MAP4K4: variants seen among roughly 807,000 people sequenced by gnomAD.
MAP4K4 encodes HPK/GCK-like kinase HGK.
Under a neutral mutation model 189.6 loss-of-function variants are expected in MAP4K4, and 38 were observed. The observed-to-expected ratio is 0.20, with a 90% CI of 0.15 to 0.26. The LOEUF (loss-of-function observed/expected upper bound fraction) is 0.26, where lower values mean the gene tolerates loss of function less well. Ranked by LOEUF, MAP4K4 falls within the 10% of genes least tolerant of loss-of-function variation. The pLI is 1.00. For synonymous variants in MAP4K4, 610 were observed against 624.3 expected, an observed-to-expected ratio of 0.98 and a Z score of 0.34; for missense variants, 1,054 against 1,726.9, an observed-to-expected ratio of 0.61 and a Z score of 6.91.
intron 2 of MAP4K4, among the ~76,000 whole-genome samples, chr2:101,709,784 A>G (rs1022563087): frequency 6.6e-6 from 1 of 152,168 alleles, no homozygotes; most frequent in Non-Finnish European, 1.5e-5. Flanking sequence ...AGTTAAATAA[A>G]TGATTTGCTA....
intron 27 of MAP4K4, among the ~76,000 whole-genome samples, chr2:101,877,394 A>G (rs1172852526): frequency 6.6e-6 from 1 of 151,554 alleles, no homozygotes; most frequent in Non-Finnish European, 1.5e-5. Flanking sequence ...GGCATCTCTC[A>G]CTGCCCTCTC....
chr2:101,747,158 G>T (rs1000968183), intron 2 of MAP4K4, among the ~76,000 whole-genome samples: 2 of 151,906 alleles, frequency 1.3e-5, no homozygotes, highest in African/African-American at 4.8e-5. Context: ...TCACTCTGTT[G>T]CCCAGGCTGG....
chr2:101,796,379 A>G (rs1346271019), intron 3 of MAP4K4, among the ~76,000 whole-genome samples: 1 of 152,164 alleles, frequency 6.6e-6, no homozygotes, highest in Non-Finnish European at 1.5e-5. Flanking sequence ...CCCCTGCTTT[A>G]ATGGAGCCTT....
chr2:101,879,933 T>A (rs1227204061), intron 27 of MAP4K4, among the ~76,000 whole-genome samples: 1 of 152,112 alleles, frequency 6.6e-6, no homozygotes, highest in East Asian at 1.9e-4. Context: ...GTGTATCTCA[T>A]TTTAATTTGC....
rs375744927 is a variant in MAP4K4, at chr2:101,881,736, G to A, written c.3386-815G>A. ...ATTTCCCTGAAAGTTTTTATTATAA[G>A]TAGGTATTGGGTTTTGTCAAATGTT... On this transcript the variant is annotated intron_variant, in intron 27 of 32. Coordinates refer to ENST00000324219, the Ensembl canonical transcript of MAP4K4. 6.0e-4 allele frequency among the ~76,000 whole-genome samples: 91 copies of A among 152,266 alleles called. 1 individual carries two copies. In the South Asian group the frequency reaches 0.014, roughly 24 times the overall value.
At chr2:101,801,151 G>A (rs1342447066) in intron 3 of MAP4K4, among the ~76,000 whole-genome samples, 4 of 152,104 alleles carry the variant, frequency 2.6e-5, no homozygotes, top group African/African-American at 7.2e-5. Flanking sequence ...GGCTGTACAT[G>A]CAAAGTTTTG....
chr2:101,782,732 C>T (rs1300515356), intron 2 of MAP4K4, among the ~76,000 whole-genome samples: 1 of 152,112 alleles, frequency 6.6e-6, no homozygotes, highest in African/African-American at 2.4e-5. Flanking sequence ...GTTTAGAAGA[C>T]CGAGATGTTT....
intron 31 of MAP4K4, 150 bp from the exon 32 acceptor site, chr2:101,888,646 C>A: frequency 1.9e-6 from 1 of 539,556 alleles, no homozygotes; most frequent in South Asian, 5.1e-5. Flanking sequence ...GGCAGAGTTC[C>A]TTGAAAACAA....
At chr2:101,703,149 A>G (rs1040311666) in intron 2 of MAP4K4, among the ~76,000 whole-genome samples, 15 of 152,094 alleles carry the variant, frequency 9.9e-5, no homozygotes, top group African/African-American at 2.9e-4. Flanking sequence ...AGCTGGTAAA[A>G]TGGTTGGCCT....
At chr2:101,798,804 C>T (rs1173088368) in intron 3 of MAP4K4, among the ~76,000 whole-genome samples, 1 of 152,152 alleles carries the variant, frequency 6.6e-6, no homozygotes, top group African/African-American at 2.4e-5. Context: ...TTTCATTGTC[C>T]AAGAAAACAG....
chr2:101,698,845 T>C (rs531980121), intron 2 of MAP4K4, among the ~76,000 whole-genome samples: 3 of 152,292 alleles, frequency 2.0e-5, no homozygotes, highest in South Asian at 2.1e-4. Context: ...TTTCTTTTTT[T>C]CCCCAAATCC....
chr2:101,833,044 A>G (rs1421005146), intron 7 of MAP4K4, among the ~76,000 whole-genome samples: 1 of 152,176 alleles, frequency 6.6e-6, no homozygotes, highest in East Asian at 1.9e-4. Context: ...TCCCCAACTC[A>G]TGTTGCCAGG....
chr2:101,859,560 T>A, intron 14 of MAP4K4, 83 bp from the exon 15 acceptor site: 1 of 1,116,532 alleles, frequency 9.0e-7, no homozygotes, highest in Non-Finnish European at 1.3e-6. Flanking sequence ...TATGGTCACT[T>A]TTTTTAAAAG....
chr2:101,790,426 G>GA (rs941568253), intron 2 of MAP4K4, among the ~76,000 whole-genome samples: 10 of 151,278 alleles, frequency 6.6e-5, no homozygotes, highest in African/African-American at 1.5e-4. Context: ...AATCCTTAGA[G>GA]AAAAAAAAAG....
chr2:101,705,206 G>A (rs1022893020), intron 2 of MAP4K4, among the ~76,000 whole-genome samples: 1 of 152,210 alleles, frequency 6.6e-6, no homozygotes, highest in Non-Finnish European at 1.5e-5. Context: ...TATAAGGGTG[G>A]TTTCATGCAG....
At chr2:101,790,659 G>C in intron 2 of MAP4K4, 61 bp from the exon 3 acceptor site, 1 of 1,199,360 alleles carries the variant, frequency 8.3e-7, no homozygotes, top group Non-Finnish European at 1.2e-6. Context: ...CAGCCATTTT[G>C]TTCTAATGAT....
intron 3 of MAP4K4, among the ~76,000 whole-genome samples, chr2:101,804,351 G>T (rs2094692392): frequency 6.6e-6 from 1 of 152,208 alleles, no homozygotes; most frequent in African/African-American, 2.4e-5. Flanking sequence ...CTATGAAAAT[G>T]ATTTCATGGT....
chr2:101,866,971 G>T (rs2097836324), intron 19 of MAP4K4, among the ~76,000 whole-genome samples: 1 of 151,518 alleles, frequency 6.6e-6, no homozygotes, highest in African/African-American at 2.4e-5. Flanking sequence ...GACATACCAT[G>T]ACAAGGTATA....
intron 2 of MAP4K4, among the ~76,000 whole-genome samples, chr2:101,723,712 C>G (rs76375276): frequency 9.2e-5 from 14 of 152,276 alleles, no homozygotes; most frequent in African/African-American, 3.4e-4. Flanking sequence ...GCTAGCCTTG[C>G]TTTGTTTTCT....
Sources: allele counts gnomAD v4.1 joint callset (sites outside exome capture counted in the v4.1 genomes callset), GRCh38; gene constraint gnomAD v4.1.1; transcripts MANE v1.5; gene names NCBI Gene and HGNC (gene_info 2026-07-23, HGNC 2026-07-21).